MCCC2: variants seen among roughly 807,000 people sequenced by gnomAD.
MCCC2 encodes the protein methylcrotonoyl-CoA carboxylase beta chain, mitochondrial.
A neutral mutation model predicts 77.2 loss-of-function variants in MCCC2; 52 were observed. The ratio of observed to expected loss-of-function variants is 0.67; its 90% CI spans 0.54 to 0.85. The LOEUF is 0.85. Ranked by LOEUF, MCCC2 falls within the 40% of genes least tolerant of loss-of-function variation. The pLI is 0.00. For missense variants in MCCC2, 682 were observed against 703.2 expected (o/e 0.97, Z 0.34); for synonymous variants, 253 against 248.4 (o/e 1.02, Z -0.18).
At position 71,652,722 on chromosome 5, in the gene MCCC2, A is replaced by G. The variant is rs1195000327; in HGVS notation, c.1542A>G (p.Glu514=). The G allele has an allele frequency of 6.2e-7, 1 of 1,614,212 alleles. No individual in the cohort carries two copies. The highest frequency in any genetic ancestry group is 8.5e-7 in the Non-Finnish European group (1 of 1,180,036). Residue 514 remains glutamate, a synonymous_variant, in exon 16 of 17, where the codon GAA becomes GAG. Coordinates refer to ENST00000340941, the MANE Select transcript of MCCC2 (RefSeq NM_022132.5). The part of the protein sequence containing the change: ...ALKEPIIKKF[E]EEGNPYYSSA... ...AAGAGCCCATCATTAAGAAGTTTGA[A>G]GAGGAAGGAAACCCTTACTATTCCA...
intron 10 of MCCC2, chr5:71,635,540 T>C (rs911829832): frequency 2.4e-5 from 10 of 419,988 alleles, no homozygotes; most frequent in Non-Finnish European, 4.0e-5. Context: ...TTATGAATGA[T>C]GTAAGGCAAC....
At chr5:71,631,135 A>G (rs1746692383) in intron 7 of MCCC2, among the ~76,000 whole-genome samples, 1 of 152,196 alleles carries the variant, frequency 6.6e-6, no homozygotes, top group Admixed American at 6.5e-5. Flanking sequence ...TTGTGATAGT[A>G]AATGGAATTT....
chr5:71,603,587 G>C (rs1057033670), intron 5 of MCCC2, among the ~76,000 whole-genome samples: 4 of 151,958 alleles, frequency 2.6e-5, no homozygotes, highest in East Asian at 3.9e-4. Flanking sequence ...CTCACAATAC[G>C]AACTGCTCTG....
In MCCC2 at chr5:71,618,959, T is replaced by G. The variant is rs371290808; in HGVS notation, c.625-7681T>G. Among the ~76,000 whole-genome samples, 55 of 152,338 alleles carry G rather than the reference T, an allele frequency of 3.6e-4. No individual in the cohort carries two copies. In the South Asian group the frequency reaches 0.011, roughly 31 times the overall value. On this transcript the variant is annotated intron_variant, in intron 6 of 16. Transcript: ENST00000340941. ...TTAGTATAAGCAACAAGGTTTTTGT[T>G]TGAATGAACAGTTTGTTTCTTCTGA...
intron 16 of MCCC2, among the ~76,000 whole-genome samples, chr5:71,656,364 G>A (rs1747578187): frequency 6.6e-6 from 1 of 152,150 alleles, no homozygotes; most frequent in African/African-American, 2.4e-5. Context: ...ATGTGGTTCT[G>A]CATATTAATG....
intron 6 of MCCC2, among the ~76,000 whole-genome samples, chr5:71,619,948 G>A (rs542466938): frequency 4.6e-5 from 7 of 151,496 alleles, no homozygotes; most frequent in South Asian, 2.1e-4. Context: ...CCAAGATCAC[G>A]CCACTGCACT....
intron 6 of MCCC2, among the ~76,000 whole-genome samples, chr5:71,618,488 T>TTC (rs1746244974): frequency 2.1e-5 from 2 of 97,150 alleles, no homozygotes; most frequent in African/African-American, 7.7e-5. Context: ...CTTCTTTCCT[T>TTC]CTTCCTTCCT....
At chr5:71,639,455 C>T (rs533844466) in intron 10 of MCCC2, among the ~76,000 whole-genome samples, 9 of 151,866 alleles carry the variant, frequency 5.9e-5, no homozygotes, top group East Asian at 3.9e-4. Flanking sequence ...TTTTCTTCTG[C>T]GACTTCACCT....
chr5:71,595,138 G>T (rs1051498296), intron 2 of MCCC2, among the ~76,000 whole-genome samples: 1 of 151,280 alleles, frequency 6.6e-6, no homozygotes, highest in Non-Finnish European at 1.5e-5. Flanking sequence ...GGCCTCAAGT[G>T]ATCCACCCAC....
chr5:71,629,735 C>CATTATTATTATTATTATTATTATTATT (rs3066461), intron 7 of MCCC2, among the ~76,000 whole-genome samples: 1 of 147,978 alleles, frequency 6.8e-6, no homozygotes, highest in African/African-American at 2.5e-5. Context: ...AGCCTGCAGC[C>CATTATTATTATTATTATTATTATTATT]ATTATTATTA....
At chr5:71,605,301 G>C (rs1290940548) in intron 6 of MCCC2, among the ~76,000 whole-genome samples, 1 of 151,178 alleles carries the variant, frequency 6.6e-6, no homozygotes, top group Non-Finnish European at 1.5e-5. Flanking sequence ...GTATCTCATT[G>C]TGGTTTTGAT....
intron 6 of MCCC2, among the ~76,000 whole-genome samples, chr5:71,610,585 C>T (rs748372930): frequency 6.6e-6 from 1 of 152,220 alleles, no homozygotes; most frequent in Non-Finnish European, 1.5e-5. Flanking sequence ...GCCATCTTGG[C>T]TCCTCCCCAA....
At chr5:71,607,178 A>G (rs1745716374) in intron 6 of MCCC2, among the ~76,000 whole-genome samples, 1 of 152,226 alleles carries the variant, frequency 6.6e-6, no homozygotes, top group South Asian at 2.1e-4. Flanking sequence ...TACCTCTGGT[A>G]GAATTCGGCT....
At chr5:71,629,928 A>G (rs1746653681) in intron 7 of MCCC2, among the ~76,000 whole-genome samples, 1 of 152,190 alleles carries the variant, frequency 6.6e-6, no homozygotes, top group African/African-American at 2.4e-5. Flanking sequence ...CTACAATTTG[A>G]AAACATCTTT....
chr5:71,634,797 G>T, intron 8 of MCCC2, 146 bp from the exon 9 acceptor site: 1 of 717,584 alleles, frequency 1.4e-6, no homozygotes, highest in Non-Finnish European at 2.4e-6. Flanking sequence ...TACTTAAGAT[G>T]ACATTTATTA....
At position 71,587,794 on chromosome 5, in the gene MCCC2, C is replaced by T. The variant is rs1018487416; in HGVS notation, c.129+240C>T. On this transcript the variant is annotated intron_variant, in intron 1 of 16. Coordinates refer to ENST00000340941, the MANE Select transcript of MCCC2 (RefSeq NM_022132.5). ...CTTAAAGCCTGGTTTAGAATTGCCA[C>T]CTGGGGAGCTAGCTGAATAGCTGCC... Among the ~76,000 whole-genome samples, 3 of 152,180 alleles carry T rather than the reference C, an allele frequency of 2.0e-5. No homozygotes were observed. The East Asian group carries it at 5.8e-4, about 29-fold the overall frequency.
In MCCC2 at chr5:71,595,069, T is replaced by C. The variant is rs796577897; in HGVS notation, c.197-1211T>C. The stretch of plus-strand genomic sequence containing the variant: ...ATGCACCACCACACCCAGCTAATTT[T>C]TCATATTTTTAGTAGAGATGGGGTT... On this transcript the variant is annotated intron_variant, in intron 2 of 16. Transcript: ENST00000340941. Among the ~76,000 whole-genome samples, 64 of 127,994 alleles carry C rather than the reference T, an allele frequency of 5.0e-4. 1 individual carries two copies. The highest frequency in any genetic ancestry group is 1.9e-3 in the African/African-American group (63 of 33,866). 84.0% of individuals were successfully genotyped at this position (127,994 alleles called of 152,430 possible).
intron 4 of MCCC2, among the ~76,000 whole-genome samples, chr5:71,600,725 T>C (rs1160560546): frequency 6.6e-6 from 1 of 152,216 alleles, no homozygotes; most frequent in Admixed American, 6.5e-5. Context: ...ATTGATTCTC[T>C]TATCTGGTGA....
At chr5:71,634,722 G>A (rs112064350) in intron 8 of MCCC2, among the ~76,000 whole-genome samples, 42 of 152,218 alleles carry the variant, frequency 2.8e-4, no homozygotes, top group African/African-American at 9.9e-4. Flanking sequence ...TAACTTATGC[G>A]TACTTCAGCT....
Sources: gnomAD v4.1 joint callset for allele counts (sites outside exome capture counted in the v4.1 genomes callset) on GRCh38, gnomAD v4.1.1 for gene constraint, MANE v1.5 for transcripts, NCBI Gene and HGNC (gene_info 2026-07-23, HGNC 2026-07-21) for gene names.